Variants in PCDHA2 observed in about 807,000 individuals in gnomAD.
PCDHA2 encodes the protein protocadherin alpha 2, also known as protocadherin alpha-2.
PCDHA2 carries 58 observed loss-of-function variants against 66.0 expected under a neutral mutation model. That is an observed-to-expected ratio of 0.88 (90% confidence interval 0.71 to 1.09). The LOEUF (loss-of-function observed/expected upper bound fraction) is 1.09. PCDHA2 is among the 50% of genes least tolerant of loss of function. The pLI is 0.00. For missense variants in PCDHA2, 1,267 were observed against 1,242.3 expected (o/e 1.02, Z -0.30); for synonymous variants, 634 against 554.0 (o/e 1.14, Z -2.03).
At chr5:140,906,643 G>A (rs1049197869) in intron 1 of PCDHA2, among the ~76,000 whole-genome samples, 14 of 152,222 alleles carry the variant, frequency 9.2e-5, no homozygotes, top group South Asian at 4.1e-4. Context: ...TCAGCAGGTA[G>A]TGGTTTTTTC....
In PCDHA2 at chr5:140,796,794, G is replaced by A. The variant is rs1554120112; in HGVS notation, c.1830G>A (p.Glu610=). 5.6e-6 allele frequency: 9 copies of A among 1,614,134 alleles called. No homozygotes were observed. The highest frequency in any genetic ancestry group is 7.6e-6 in the Non-Finnish European group (9 of 1,179,978). The change falls in exon 1 of 4, where the codon GAG becomes GAA. Residue 610 remains glutamate (E), a synonymous_variant. Transcript: ENST00000526136. The part of the protein sequence containing the change: ...DSGYNAWLSY[E]LQLGTGSARI... Reference sequence around the variant, plus strand: ...GCTACAACGCGTGGCTTTCGTACGAGCTTCAGCTGGGTACTGGCAGCGCTC... The same window carrying A: ...GCTACAACGCGTGGCTTTCGTACGAACTTCAGCTGGGTACTGGCAGCGCTC...
chr5:140,883,806 A>T (rs1554180079), intron 1 of PCDHA2: 1 of 1,612,344 alleles, frequency 6.2e-7, no homozygotes, highest in East Asian at 2.2e-5. Flanking sequence ...GTGCACGCGG[A>T]GAGCGGCAAG....
intron 1 of PCDHA2, chr5:140,811,105 C>G (rs1764793760): frequency 6.6e-6 from 1 of 152,154 alleles, no homozygotes; most frequent in Non-Finnish European, 1.5e-5. Context: ...GTTTGCTGCA[C>G]CCATCAACTC....
At chr5:140,835,789 C>A (rs2150244748) in intron 1 of PCDHA2, 8 of 1,613,106 alleles carry the variant, frequency 5.0e-6, no homozygotes, top group Non-Finnish European at 5.9e-6. Context: ...GAGAACAACC[C>A]GCCGGGCTGC....
At chr5:140,995,214 C>T (rs1193715389) in intron 3 of PCDHA2, among the ~76,000 whole-genome samples, 2 of 152,136 alleles carry the variant, frequency 1.3e-5, no homozygotes, top group Admixed American at 6.6e-5. Flanking sequence ...AGGCACAATA[C>T]TCTTGTGCTT....
intron 1 of PCDHA2, chr5:140,803,575 T>C: frequency 6.2e-7 from 1 of 1,614,252 alleles, no homozygotes; most frequent in South Asian, 1.1e-5. Flanking sequence ...GATGTGGACG[T>C]TGATCTCTCA....
At chr5:140,833,480 A>G (rs1378647255) in intron 1 of PCDHA2, among the ~76,000 whole-genome samples, 4 of 152,220 alleles carry the variant, frequency 2.6e-5, no homozygotes, top group East Asian at 1.9e-4. Context: ...AAGAAATAAT[A>G]CAAATCATAT....
chr5:140,825,576 C>G lies in PCDHA2; in HGVS notation c.2388+28224C>G, dbSNP rs1028735086. 7.2e-5 allele frequency: 11 copies of G among 151,850 alleles called. No individual in the cohort carries two copies. In the East Asian group the frequency reaches 2.1e-3, roughly 29 times the overall value. 9.4% of individuals were successfully genotyped at this position (151,850 alleles called of 1,614,324 possible). A position where few individuals can be genotyped will look rare whatever the true frequency, so the allele number is the denominator to read the frequency against. On this transcript the variant is annotated intron_variant, in intron 1 of 3. Transcript: ENST00000526136. Reference sequence around the variant, plus strand: ...AGTAGCTGGGATTACAGGCATGTGCCCACACCTGGCTAATTTTTTGTATTT... The same window carrying G: ...AGTAGCTGGGATTACAGGCATGTGCGCACACCTGGCTAATTTTTTGTATTT...
intron 1 of PCDHA2, chr5:140,827,870 T>A: frequency 1.6e-6 from 1 of 629,348 alleles, no homozygotes; most frequent in Non-Finnish European, 2.7e-6. Flanking sequence ...GGTATAGCAC[T>A]GTTACGTGAA....
In PCDHA2 at chr5:140,795,494, T is replaced by A. The variant is rs370399359; in HGVS notation, c.530T>A (p.Phe177Tyr). 141 of 1,613,952 alleles carry A rather than the reference T, an allele frequency of 8.7e-5. No individual in the cohort carries two copies. Among genetic ancestry groups the A allele is most frequent in the Non-Finnish European group, 1.2e-4 (138 of 1,180,022 alleles). The part of the protein sequence containing the change: ...LLSYKLSSSE[F>Y]FFLDIQANDE... ...TCCTACAAGCTCAGCTCCAGTGAGT[T>A]TTTCTTCCTAGATATACAGGCAAAT... Residue 177 changes from phenylalanine (F) to tyrosine (Y), a missense_variant, in exon 1 of 4, where the codon TTT becomes TAT. Phe to Tyr is a conservative substitution (Grantham distance 22). Coordinates refer to ENST00000526136, the MANE Select transcript of PCDHA2 (RefSeq NM_018905.3).
intron 1 of PCDHA2, among the ~76,000 whole-genome samples, chr5:140,950,045 A>G (rs1293026782): frequency 1.3e-5 from 2 of 151,934 alleles, no homozygotes; most frequent in Non-Finnish European, 2.9e-5. Context: ...ACAACCATAT[A>G]AGACTATTTA....
chr5:140,994,637 G>A (rs1355719166), intron 3 of PCDHA2, among the ~76,000 whole-genome samples: 1 of 152,078 alleles, frequency 6.6e-6, no homozygotes, highest in Non-Finnish European at 1.5e-5. Context: ...CCTGGAAGGT[G>A]GAGGTTGCAG....
intron 1 of PCDHA2, among the ~76,000 whole-genome samples, chr5:140,917,830 G>A (rs2078377355): frequency 6.6e-6 from 1 of 151,722 alleles, no homozygotes; most frequent in Admixed American, 6.6e-5. Flanking sequence ...GTAGTGTGAT[G>A]TCCTTCTTGT....
At chr5:140,882,529 T>G (rs1277056302) in intron 1 of PCDHA2, 1 of 1,614,074 alleles carries the variant, frequency 6.2e-7, no homozygotes, top group Non-Finnish European at 8.5e-7. Context: ...TGTTTGTGAA[T>G]TCTCGGATCG....
In PCDHA2 at chr5:140,967,411, A is replaced by T. The variant is rs142102675; in HGVS notation, c.2389-11538A>T. The T allele has an allele frequency of 4.6e-5, 74 of 1,613,220 alleles. No individual in the cohort carries two copies. The African/African-American group carries it at 9.5e-4, about 21-fold the overall frequency. On this transcript the variant is annotated intron_variant, in intron 1 of 3. Coordinates refer to ENST00000526136, the MANE Select transcript of PCDHA2 (RefSeq NM_018905.3). The stretch of plus-strand genomic sequence containing the variant: ...TTGAGCTGGTGCTGCGTAAGGGCCT[A>T]GACCGGGAGCAGGCAGCCTTGCACC...
intron 1 of PCDHA2, chr5:140,803,495 G>C: frequency 6.2e-7 from 1 of 1,614,248 alleles, no homozygotes; most frequent in Non-Finnish European, 8.5e-7. Flanking sequence ...GGTTGCCCAA[G>C]ACCGACCTCA....
intron 1 of PCDHA2, chr5:140,821,739 G>T (rs2150110310): frequency 6.5e-7 from 1 of 1,546,468 alleles, no homozygotes; most frequent in Non-Finnish European, 8.7e-7. Context: ...ATTGTGTGGT[G>T]ATGCAATAGA....
At chr5:140,801,603 G>A (rs781971806) in intron 1 of PCDHA2, 1 of 1,614,160 alleles carries the variant, frequency 6.2e-7, no homozygotes, top group Non-Finnish European at 8.5e-7. Context: ...TTTTCCAATG[G>A]CTGTAAAGAA....
intron 1 of PCDHA2, among the ~76,000 whole-genome samples, chr5:140,912,626 G>A (rs189482006): frequency 6.6e-6 from 1 of 152,190 alleles, no homozygotes; most frequent in East Asian, 1.9e-4. Context: ...CTCTGGATGA[G>A]ACTTTCAGTA....
Sources: allele counts gnomAD v4.1 joint callset (sites outside exome capture counted in the v4.1 genomes callset), GRCh38; gene constraint gnomAD v4.1.1; transcripts MANE v1.5; gene names NCBI Gene and HGNC (gene_info 2026-07-23, HGNC 2026-07-21).